TAF1: variants seen among roughly 807,000 people sequenced by gnomAD.
TAF1 encodes the protein transcription initiation factor TFIID subunit 1.
Under a neutral mutation model 138.5 loss-of-function variants are expected in TAF1, and 2 were observed. The ratio of observed to expected loss-of-function variants is 0.01; its 90% CI spans 0.01 to 0.05. The LOEUF (loss-of-function observed/expected upper bound fraction) is 0.05, where lower values mean the gene tolerates loss of function less well. Ranked by LOEUF, TAF1 falls within the 10% of genes least tolerant of loss-of-function variation. The probability of loss-of-function intolerance (pLI) is 1.00; values close to 1 mark genes in which losing one functional copy is unlikely to be tolerated. For missense variants in TAF1, 709 were observed against 1,478.0 expected, an observed-to-expected ratio of 0.48 and a Z score of 8.53; for synonymous variants, 437 against 503.2, an observed-to-expected ratio of 0.87 and a Z score of 1.76.
intron 22 of TAF1, among the ~76,000 whole-genome samples, chrX:71,396,631 C>T (rs771708370): frequency 8.9e-6 from 1 of 112,020 alleles, no homozygotes; most frequent in East Asian, 2.8e-4. Flanking sequence ...CACCCACTTC[C>T]TACATGGTCT....
intron 13 of TAF1, among the ~76,000 whole-genome samples, chrX:71,506,069 G>A (rs2039618159): frequency 9.5e-6 from 1 of 105,388 alleles, no homozygotes; most frequent in South Asian, 4.2e-4. Flanking sequence ...GCATGGTGGT[G>A]TGTGCCTGTA....
At position 71,367,463 on chromosome X, in the gene TAF1, AGTT is replaced by A. The variant is rs777354995; in HGVS notation, c.121-32_121-30del. Reference sequence around the variant, plus strand: ...CCTGTGGTGTGGGAGTCGTAGGTTTAGTTGTTATCTTCGACTCGTGCTGTCCCT... The same window carrying A: ...CCTGTGGTGTGGGAGTCGTAGGTTTAGTTATCTTCGACTCGTGCTGTCCCT... On this transcript the variant is annotated intron_variant, in intron 1 of 37. Transcript: ENST00000423759. 10 of 1,191,919 alleles carry A rather than the reference AGTT, an allele frequency of 8.4e-6. No homozygotes were observed. The African/African-American group carries it at 1.6e-4, about 19-fold the overall frequency.
chrX:71,374,157 TA>T (rs1341593690), intron 3 of TAF1, among the ~76,000 whole-genome samples: 1 of 110,630 alleles, frequency 9.0e-6, no homozygotes, highest in Non-Finnish European at 1.9e-5. Context: ...AATCTCGGCT[TA>T]CTGCAACCTT....
intron 13 of TAF1, among the ~76,000 whole-genome samples, chrX:71,525,409 A>G (rs2039983629): frequency 8.9e-6 from 1 of 112,169 alleles, no homozygotes; most frequent in Non-Finnish European, 1.9e-5. Flanking sequence ...AACACCTTGA[A>G]TTACATGTTT....
intron 13 of TAF1, among the ~76,000 whole-genome samples, chrX:71,504,082 C>A (rs780992575): frequency 1.1e-4 from 12 of 110,715 alleles, no homozygotes; most frequent in Non-Finnish European, 2.1e-4. Context: ...TGAAGTTTCC[C>A]AGATGGAGAA....
chrX:71,413,078 G>C (rs1051545726), intron 28 of TAF1, among the ~76,000 whole-genome samples: 54 of 110,874 alleles, frequency 4.9e-4, no homozygotes, highest in African/African-American at 1.7e-3. Context: ...TCTAATTTTC[G>C]GATTAGGGAT....
chrX:71,510,909 G>A (rs1274818250), intron 13 of TAF1, among the ~76,000 whole-genome samples: 5 of 111,125 alleles, frequency 4.5e-5, no homozygotes. Context: ...TTGAAGACCA[G>A]CCTGACCAAC....
At chrX:71,515,422 A>G (rs902986056) in intron 13 of TAF1, among the ~76,000 whole-genome samples, 6 of 111,669 alleles carry the variant, frequency 5.4e-5, no homozygotes, top group African/African-American at 2.0e-4. Context: ...AGGGCAGGGG[A>G]TGAAATTATC....
rs983300689 is a variant in TAF1, at chrX:71,389,764, A to G, written c.2781+99A>G. 2.1e-5 allele frequency: 13 copies of G among 617,377 alleles called. No individual in the cohort carries two copies. The African/African-American group carries it at 2.5e-4, about 12-fold the overall frequency. The allele number at this position is 617,377 out of a possible 1,213,427, so 50.9% of individuals were successfully genotyped here. On this transcript the variant is annotated intron_variant, in intron 18 of 37. Coordinates refer to ENST00000423759, the MANE Select transcript of TAF1 (RefSeq NM_004606.5). ...AGATAACATAAAATAAACTGTACACATTTAAAGTATACTGTTAGATGTTCT... is the reference window on the plus strand; with the variant it reads ...AGATAACATAAAATAAACTGTACACGTTTAAAGTATACTGTTAGATGTTCT...
At chrX:71,481,403 A>T (rs1206151140) in intron 13 of TAF1, among the ~76,000 whole-genome samples, 1 of 112,658 alleles carries the variant, frequency 8.9e-6, no homozygotes, top group Non-Finnish European at 1.9e-5. Context: ...ATAGGTATGG[A>T]TGCTTAAGAA....
In TAF1 at chrX:71,398,748, TGTG is replaced by T; in HGVS notation, c.3786+15_3786+17del. On this transcript the variant is annotated intron_variant, in intron 24 of 37. Coordinates refer to ENST00000423759, the MANE Select transcript of TAF1 (RefSeq NM_004606.5). Reference sequence around the variant, plus strand: ...CGTCCTGACCTAAAAGTAAGTATAATGTGGTGTGATTACAGCTAACGGAGCAAA... The same window carrying T: ...CGTCCTGACCTAAAAGTAAGTATAATGTGTGATTACAGCTAACGGAGCAAA... 8.4e-7 allele frequency: 1 copy of T among 1,187,486 alleles called. No individual in the cohort carries two copies. The highest frequency in any genetic ancestry group is 1.1e-6 in the Non-Finnish European group (1 of 886,191).
intron 13 of TAF1, among the ~76,000 whole-genome samples, chrX:71,518,765 G>A (rs2039870450): frequency 1.1e-5 from 1 of 93,508 alleles, no homozygotes; most frequent in African/African-American, 4.1e-5. Context: ...GCGCAATCTC[G>A]GCTCATTGCA....
In TAF1 at chrX:71,433,656, A is replaced by AT. The variant is rs200982256; in HGVS notation, c.4753+9425dup. Among the ~76,000 whole-genome samples the AT allele has an allele frequency of 7.7e-3, 855 of 111,432 alleles. 12 individuals carry two copies. The highest frequency in any genetic ancestry group is 0.026 in the African/African-American group (806 of 30,698). On this transcript the variant is annotated intron_variant, in intron 32 of 37. Transcript: ENST00000423759. The stretch of plus-strand genomic sequence containing the variant: ...TTACGTATTTGCAAAGAGTTTAAAT[A>AT]TTTTTTTACTCCTTTGGCCAAATAA...
At chrX:71,393,172 T>C (rs2034657680) in intron 20 of TAF1, 129 bp from the exon 21 acceptor site, 2 of 1,078,894 alleles carry the variant, frequency 1.9e-6, no homozygotes, top group Admixed American at 3.4e-5. Flanking sequence ...GTGATTTTTC[T>C]TTTTTGGTCT....
intron 28 of TAF1, among the ~76,000 whole-genome samples, chrX:71,412,621 T>G (rs766468696): frequency 2.7e-5 from 3 of 112,361 alleles, no homozygotes; most frequent in African/African-American, 9.7e-5. Flanking sequence ...AGAGTCTTGC[T>G]CTGTTGCCCA....
chrX:71,460,549 G>T, intron 36 of TAF1, 77 bp from the exon 37 acceptor site: 1 of 1,107,782 alleles, frequency 9.0e-7, no homozygotes, highest in Non-Finnish European at 1.2e-6. Flanking sequence ...TTACTAGTTT[G>T]GGAAGATCAA....
chrX:71,438,347 A>G (rs2037248649), intron 32 of TAF1, among the ~76,000 whole-genome samples: 2 of 111,812 alleles, frequency 1.8e-5, no homozygotes, highest in Non-Finnish European at 3.8e-5. Flanking sequence ...TAGGTATGTC[A>G]TATAAGTAAA....
chrX:71,429,773 A>C (rs1329861990), intron 32 of TAF1, among the ~76,000 whole-genome samples: 1 of 111,257 alleles, frequency 9.0e-6, no homozygotes, highest in African/African-American at 3.3e-5. Context: ...AGAGTAAAAA[A>C]ATGAAGATGG....
At chrX:71,394,308 C>T in intron 22 of TAF1, 63 bp downstream of exon 22, 2 of 1,106,304 alleles carry the variant, frequency 1.8e-6, no homozygotes, top group South Asian at 4.7e-5. Context: ...GCCTACGTAA[C>T]TGCAGACTGT....
Sources: gnomAD v4.1 joint callset for allele counts (sites outside exome capture counted in the v4.1 genomes callset) on GRCh38, gnomAD v4.1.1 for gene constraint, MANE v1.5 for transcripts, NCBI Gene and HGNC (gene_info 2026-07-23, HGNC 2026-07-21) for gene names.